The following SLC22A24 variants were observed in gnomAD, a reference collection of about 807,000 sequenced individuals.
The protein encoded by SLC22A24 is steroid transmembrane transporter SLC22A24.
Under a neutral mutation model 49.8 loss-of-function variants are expected in SLC22A24, and 53 were observed. The observed-to-expected ratio is 1.06, with a 90% CI of 0.85 to 1.34. SLC22A24 has a LOEUF of 1.34. SLC22A24 is among the 40% of genes most tolerant of loss of function. The pLI is 0.00. For missense variants in SLC22A24, 786 were observed against 675.9 expected, an observed-to-expected ratio of 1.16 and a Z score of -1.81; for synonymous variants, 302 against 256.4, an observed-to-expected ratio of 1.18 and a Z score of -1.70.
chr11:63,084,510 G>A (rs1046609783), intron 6 of SLC22A24, among the ~76,000 whole-genome samples: 9 of 152,100 alleles, frequency 5.9e-5, no homozygotes, highest in African/African-American at 2.2e-4. Context: ...AATGTATGCA[G>A]GAGCCAGAGG....
chr11:63,143,890 G>A lies in SLC22A24; in HGVS notation c.-111C>T, dbSNP rs952048762. The A allele has an allele frequency of 9.8e-6, 9 of 922,542 alleles. No individual in the cohort carries two copies. In the African/African-American group the frequency reaches 1.6e-4, roughly 16 times the overall value. The allele number at this position is 922,542 out of a possible 1,614,324, so 57.1% of individuals were successfully genotyped here. A position where few individuals can be genotyped will look rare whatever the true frequency, so the allele number is the denominator to read the frequency against. On this transcript the variant is annotated 5_prime_UTR_variant, in exon 1 of 10. Coordinates refer to ENST00000612278, the MANE Select transcript of SLC22A24 (RefSeq NM_001136506.2). ...GTTACCATAGTGCCATGTGGATCCT[G>A]ACACTGCTTTCTTCTTGGTGGGCCC... is the stretch of plus-strand genomic sequence containing the variant.
chr11:63,130,145 G>T (rs375475188), intron 2 of SLC22A24, among the ~76,000 whole-genome samples: 3 of 152,094 alleles, frequency 2.0e-5, no homozygotes, highest in African/African-American at 7.2e-5. Flanking sequence ...TTTGAGATAC[G>T]TTCCATCTAT....
chr11:63,084,389 C>A (rs1339307157), intron 6 of SLC22A24, among the ~76,000 whole-genome samples: 2 of 152,158 alleles, frequency 1.3e-5, no homozygotes, highest in Non-Finnish European at 2.9e-5. Context: ...TGTATGGAAT[C>A]ATTTTAATCC....
chr11:63,089,208 C>T (rs965127282), intron 6 of SLC22A24, among the ~76,000 whole-genome samples: 3 of 152,196 alleles, frequency 2.0e-5, no homozygotes, highest in African/African-American at 4.8e-5. Context: ...CCCCATCAGA[C>T]TAAAAGTGGA....
intron 2 of SLC22A24, among the ~76,000 whole-genome samples, 187 bp downstream of exon 2, chr11:63,134,478 A>G (rs1019099962): frequency 2.0e-5 from 3 of 152,178 alleles, no homozygotes; most frequent in Non-Finnish European, 2.9e-5. Context: ...CAGACTTTTA[A>G]TACCCAACTA....
At chr11:63,108,725 T>C (rs1311341038) in intron 4 of SLC22A24, among the ~76,000 whole-genome samples, 2 of 152,062 alleles carry the variant, frequency 1.3e-5, no homozygotes, top group African/African-American at 4.8e-5. Context: ...TGCATAGAGG[T>C]GTTTATAGTA....
chr11:63,141,016 A>T (rs183284155), intron 1 of SLC22A24, among the ~76,000 whole-genome samples: 360 of 152,374 alleles, frequency 2.4e-3, no homozygotes, highest in African/African-American at 7.7e-3. Flanking sequence ...ATAGGTTAGA[A>T]CACTAATCAT....
chr11:63,095,720 A>G lies in SLC22A24; in HGVS notation c.1070+271T>C, dbSNP rs116644940. The stretch of plus-strand genomic sequence containing the variant: ...AAATCAAAAAATTAAACTATGTTTT[A>G]TGGTAAAACTTACTATCACCATAAT... On this transcript the variant is annotated intron_variant, in intron 6 of 9. Transcript: ENST00000612278. Among the ~76,000 whole-genome samples, 660 of 152,324 alleles carry G rather than the reference A, an allele frequency of 4.3e-3. 8 individuals carry two copies. Among genetic ancestry groups the G allele is most frequent in the African/African-American group, 0.015 (611 of 41,578 alleles).
intron 6 of SLC22A24, among the ~76,000 whole-genome samples, chr11:63,092,805 A>G (rs1016995096): frequency 1.3e-5 from 2 of 151,952 alleles, no homozygotes; most frequent in African/African-American, 4.8e-5. Context: ...TGACTAAAAC[A>G]CAAAAAGCAA....
intron 6 of SLC22A24, among the ~76,000 whole-genome samples, chr11:63,086,228 C>T (rs534454830): frequency 4.6e-5 from 7 of 152,254 alleles, no homozygotes; most frequent in African/African-American, 1.4e-4. Context: ...TATAAAGATG[C>T]ATGTATGTCT....
chr11:63,080,829 G>A (rs2086955054), intron 9 of SLC22A24, 91 bp downstream of exon 9: 6 of 1,117,608 alleles, frequency 5.4e-6, no homozygotes. Flanking sequence ...ATGAAGGACA[G>A]AGGGCCCCAA....
rs1348892499 is a variant in SLC22A24, at chr11:63,144,105, A to G, written c.-326T>C. ...AAGATCCTGATCTCTGAGTTTCCTG[A>G]TAAGTCAACGGTGGATTTTCAGGTG... On this transcript the variant is annotated 5_prime_UTR_variant, in exon 1 of 10. Coordinates refer to ENST00000612278, the MANE Select transcript of SLC22A24 (RefSeq NM_001136506.2). 5.0e-6 allele frequency: 1 copy of G among 200,090 alleles called. No individual in the cohort carries two copies. Among genetic ancestry groups the G allele is most frequent in the East Asian group, 1.1e-4 (1 of 9,246 alleles). 12.4% of individuals were successfully genotyped at this position (200,090 alleles called of 1,614,324 possible). A position where few individuals can be genotyped will look rare whatever the true frequency, so the allele number is the denominator to read the frequency against.
intron 4 of SLC22A24, among the ~76,000 whole-genome samples, chr11:63,112,800 T>C (rs1463251524): frequency 6.6e-6 from 1 of 150,984 alleles, no homozygotes; most frequent in East Asian, 1.9e-4. Context: ...GATCACGAGG[T>C]CAGGAGATTG....
chr11:63,115,843 T>C, intron 4 of SLC22A24: 1 of 211,718 alleles, frequency 4.7e-6, no homozygotes, highest in Non-Finnish European at 9.6e-6. Flanking sequence ...GGTTGCACCA[T>C]TCCTTCTGTC....
chr11:63,096,167 G>T, intron 5 of SLC22A24, 61 bp from the exon 6 acceptor site: 1 of 1,090,862 alleles, frequency 9.2e-7, no homozygotes, highest in Non-Finnish European at 1.4e-6. Context: ...CAGGCATAGT[G>T]GTAAGTACTA....
Position 63,080,894 on chromosome 11 carries a change from A to G in SLC22A24, c.1598+26T>C, listed in dbSNP as rs531515623. 6.2e-4 allele frequency: 954 copies of G among 1,539,014 alleles called. 9 individuals carry two copies. The South Asian group carries it at 0.011, about 17-fold the overall frequency. On this transcript the variant is annotated intron_variant, in intron 9 of 9. Coordinates refer to ENST00000612278, the MANE Select transcript of SLC22A24 (RefSeq NM_001136506.2). The stretch of plus-strand genomic sequence containing the variant: ...TACAGCACATAGCCACTCCCCACTC[A>G]AGTGACAGCTAGAGGGTTTACTCAC...
chr11:63,121,632 TTTTAAG>T (rs922237692), intron 2 of SLC22A24, among the ~76,000 whole-genome samples: 2 of 152,146 alleles, frequency 1.3e-5, no homozygotes, highest in African/African-American at 4.8e-5. Flanking sequence ...ATTTTACTTT[TTTTAAG>T]TTTAATTTTA....
chr11:63,109,020 C>G (rs902618859), intron 4 of SLC22A24, among the ~76,000 whole-genome samples: 6 of 134,766 alleles, frequency 4.5e-5, no homozygotes, highest in Admixed American at 7.7e-5. Context: ...CAACAGTCCC[C>G]AGAGTGTGAT....
At chr11:63,102,359 C>G (rs1039515211) in intron 5 of SLC22A24, among the ~76,000 whole-genome samples, 10 of 151,784 alleles carry the variant, frequency 6.6e-5, no homozygotes, top group Non-Finnish European at 2.9e-5. Context: ...AACAAGGGGC[C>G]CTCTAAAGAG....
Sources: gnomAD v4.1 joint callset for allele counts (sites outside exome capture counted in the v4.1 genomes callset) on GRCh38, gnomAD v4.1.1 for gene constraint, MANE v1.5 for transcripts, NCBI Gene and HGNC (gene_info 2026-07-23, HGNC 2026-07-21) for gene names.